ADARB1: variants seen among roughly 807,000 people sequenced by gnomAD.
ADARB1 encodes the protein double-stranded RNA-specific editase 1.
ADARB1 carries 10 observed loss-of-function variants against 52.4 expected under a neutral mutation model. The ratio of observed to expected loss-of-function variants is 0.19; its 90% CI spans 0.12 to 0.32. The LOEUF is 0.32. Among genes scored for constraint, ADARB1 ranks in the 10% least tolerant of loss-of-function variants. ADARB1 has a pLI of 1.00. For missense variants in ADARB1, 643 were observed against 922.3 expected (o/e 0.70, Z 3.92); for synonymous variants, 349 against 371.1 (o/e 0.94, Z 0.68).
At chr21:45,104,807 T>G (rs182367118) in intron 1 of ADARB1, among the ~76,000 whole-genome samples, 15 of 152,310 alleles carry the variant, frequency 9.8e-5, no homozygotes, top group African/African-American at 3.6e-4. Flanking sequence ...ACAGAGCAGC[T>G]CCACACCTGC....
chr21:45,208,748 G>A lies in ADARB1; in HGVS notation c.1747+4012G>A, dbSNP rs1459342330. On this transcript the variant is annotated intron_variant, in intron 9 of 10. Transcript: ENST00000348831. This position sits in a 1 kb window ranked among gnomAD's most constrained non-coding sequence, Gnocchi z 5.6. Reference sequence around the variant, plus strand: ...AGAGAGAGTGTGTGTGTGTGTGTATGCGTATTCTCCAGGTAAGAGCAGGCA... The same window carrying A: ...AGAGAGAGTGTGTGTGTGTGTGTATACGTATTCTCCAGGTAAGAGCAGGCA... 6.6e-6 allele frequency among the ~76,000 whole-genome samples: 1 copy of A among 151,980 alleles called. No individual in the cohort carries two copies. The highest frequency in any genetic ancestry group is 1.5e-5 in the Non-Finnish European group (1 of 67,996).
intron 7 of ADARB1, among the ~76,000 whole-genome samples, chr21:45,184,189 T>C (rs1292635608): frequency 6.6e-6 from 1 of 152,244 alleles, no homozygotes; most frequent in Non-Finnish European, 1.5e-5. Flanking sequence ...TACCATACTT[T>C]CCATGGGTTT....
At chr21:45,171,557 C>G in intron 2 of ADARB1, 53 bp from the exon 3 acceptor site, 1 of 1,101,510 alleles carries the variant, frequency 9.1e-7, no homozygotes, top group Non-Finnish European at 1.4e-6. Flanking sequence ...AGACTTACTT[C>G]ATATTACTCC....
chr21:45,136,756 C>T (rs2089409671), intron 2 of ADARB1, among the ~76,000 whole-genome samples: 1 of 152,228 alleles, frequency 6.6e-6, no homozygotes, highest in African/African-American at 2.4e-5. Flanking sequence ...GGTGTGTGCG[C>T]TGCAGGGAGA....
In ADARB1 at chr21:45,220,115, G is replaced by C. The variant is rs562663600; in HGVS notation, c.1748-721G>C. On this transcript the variant is annotated intron_variant, in intron 9 of 10. Coordinates refer to ENST00000348831, the MANE Select transcript of ADARB1 (RefSeq NM_001112.4). This position sits in a 1 kb window ranked among gnomAD's most constrained non-coding sequence, Gnocchi z 6.3. Reference sequence around the variant, plus strand: ...CAGAAGTCATGTAGCTCTGATAGGAGCGCTTTTCAAACAGATGTCTTAATC... The same window carrying C: ...CAGAAGTCATGTAGCTCTGATAGGACCGCTTTTCAAACAGATGTCTTAATC... 2.0e-5 allele frequency among the ~76,000 whole-genome samples: 3 copies of C among 151,914 alleles called. No individual in the cohort carries two copies. In the South Asian group the frequency reaches 6.2e-4, roughly 32 times the overall value.
In ADARB1 at chr21:45,226,179, A is replaced by T. The variant is rs555901351; in HGVS notation, c.*3982A>T. ...GAAGGGACGAGTACCAAGCCACAAG[A>T]ACACTTCTTTTGGCCACAGCATAAG... On this transcript the variant is annotated 3_prime_UTR_variant, in exon 11 of 11. Coordinates refer to ENST00000348831, the MANE Select transcript of ADARB1 (RefSeq NM_001112.4). The T allele has an allele frequency of 6.6e-6, 1 of 152,538 alleles. No homozygotes were observed. The highest frequency in any genetic ancestry group is 1.9e-4 in the East Asian group (1 of 5,192). The allele number at this position is 152,538 out of a possible 1,614,324, so 9.4% of individuals were successfully genotyped here.
chr21:45,123,347 AG>A (rs1169567661), intron 1 of ADARB1, among the ~76,000 whole-genome samples: 1 of 152,172 alleles, frequency 6.6e-6, no homozygotes, highest in Non-Finnish European at 1.5e-5. Context: ...TCTGTGGCCC[AG>A]GCCAGAATGC....
At position 45,207,374 on chromosome 21, in the gene ADARB1, G is replaced by A. The variant is rs989188807; in HGVS notation, c.1747+2638G>A. On this transcript the variant is annotated intron_variant, in intron 9 of 10. Coordinates refer to ENST00000348831, the MANE Select transcript of ADARB1 (RefSeq NM_001112.4). ...GACTCCTGTGAATCAGCAGGACAGC[G>A]TAGCAGGACATTAGGTGAGCCACAG... Among the ~76,000 whole-genome samples, 4 of 152,196 alleles carry A rather than the reference G, an allele frequency of 2.6e-5. No individual in the cohort carries two copies. The East Asian group carries it at 5.8e-4, about 22-fold the overall frequency.
rs1261137004 is a variant in ADARB1, at chr21:45,142,668, C to T, written c.-48+14095C>T. Among the ~76,000 whole-genome samples the T allele has an allele frequency of 6.6e-6, 1 of 152,188 alleles. No homozygotes were observed. The highest frequency in any genetic ancestry group is 1.9e-4 in the East Asian group (1 of 5,190). On this transcript the variant is annotated intron_variant, in intron 2 of 10. Coordinates refer to ENST00000348831, the MANE Select transcript of ADARB1 (RefSeq NM_001112.4). This position sits in a 1 kb window ranked among gnomAD's most constrained non-coding sequence, Gnocchi z 4.0. ...CCCAGCTGGCTGCCAGGCTGCTCCC[C>T]ATGAGGTGGTGGGAGCCGTGTGGGA...
At chr21:45,166,096 C>T (rs981698583) in intron 2 of ADARB1, among the ~76,000 whole-genome samples, 2 of 151,944 alleles carry the variant, frequency 1.3e-5, no homozygotes, top group African/African-American at 4.8e-5. Context: ...GTAAATAAGT[C>T]ATGTTTTTAA....
Position 45,128,865 on chromosome 21 carries a change from C to T in ADARB1, c.-48+292C>T, listed in dbSNP as rs1158497556. ...TGGCACTTGCTGCCCTCTTTGGGGTCAGTTCACCATTTATTGAGTCAGTGC... is the reference window on the plus strand; with the variant it reads ...TGGCACTTGCTGCCCTCTTTGGGGTTAGTTCACCATTTATTGAGTCAGTGC... On this transcript the variant is annotated intron_variant, in intron 2 of 10. Coordinates refer to ENST00000348831, the MANE Select transcript of ADARB1 (RefSeq NM_001112.4). The surrounding 1 kb of genome is among the most constrained non-coding windows in gnomAD (Gnocchi z 4.6). Among the ~76,000 whole-genome samples, 3 of 152,296 alleles carry T rather than the reference C, an allele frequency of 2.0e-5. No homozygotes were observed. Among genetic ancestry groups the T allele is most frequent in the South Asian group, 4.1e-4 (2 of 4,824 alleles).
chr21:45,140,965 G>A (rs1343604028), intron 2 of ADARB1, among the ~76,000 whole-genome samples: 2 of 152,176 alleles, frequency 1.3e-5, no homozygotes. Flanking sequence ...TGAGACAGGA[G>A]GATTGCTTAA....
intron 1 of ADARB1, among the ~76,000 whole-genome samples, chr21:45,120,055 T>G (rs2088073046): frequency 6.6e-6 from 1 of 152,264 alleles, no homozygotes; most frequent in Admixed American, 6.5e-5. Flanking sequence ...TAAAGCCTAG[T>G]AACACCTCAG....
At chr21:45,114,082 A>G (rs139622232) in intron 1 of ADARB1, among the ~76,000 whole-genome samples, 9 of 152,328 alleles carry the variant, frequency 5.9e-5, no homozygotes, top group African/African-American at 2.2e-4. Flanking sequence ...CTACATACCA[A>G]TCAGAGGTTG....
chr21:45,087,782 C>T (rs12483279), intron 1 of ADARB1, among the ~76,000 whole-genome samples: 13,227 of 152,178 alleles, frequency 0.087, 664 homozygotes, highest in East Asian at 0.15. Flanking sequence ...CACTGTAGTA[C>T]AAAGCGGCAG....
At position 45,175,959 on chromosome 21, in the gene ADARB1, G is replaced by A. The variant is rs1203818926; in HGVS notation, c.258G>A (p.Leu86=). ...PVLPKNALMQ[L]NEIKPGLQYT... ...TCCCCAAGAACGCCCTGATGCAGCTGAATGAGATCAAGCCTGGTTTGCAGT... is the reference window on the plus strand; with the variant it reads ...TCCCCAAGAACGCCCTGATGCAGCTAAATGAGATCAAGCCTGGTTTGCAGT... The change falls in exon 4 of 11, where the codon CTG becomes CTA. Residue 86 remains leucine (L), a synonymous_variant. Coordinates refer to ENST00000348831, the MANE Select transcript of ADARB1 (RefSeq NM_001112.4). 1.2e-6 allele frequency: 2 copies of A among 1,611,968 alleles called. No homozygotes were observed. Among genetic ancestry groups the A allele is most frequent in the Non-Finnish European group, 8.5e-7 (1 of 1,179,168 alleles).
At chr21:45,201,033 A>C (rs906061945) in intron 8 of ADARB1, among the ~76,000 whole-genome samples, 13 of 152,166 alleles carry the variant, frequency 8.5e-5, no homozygotes, top group African/African-American at 3.1e-4. Flanking sequence ...GAGTGGGGAC[A>C]CCTGTAGGTT....
At chr21:45,080,495 A>T (rs1354592758) in intron 1 of ADARB1, among the ~76,000 whole-genome samples, 1 of 152,206 alleles carries the variant, frequency 6.6e-6, no homozygotes, top group Non-Finnish European at 1.5e-5. Context: ...TCCTCAAGAC[A>T]TGCTGCCCTT....
intron 1 of ADARB1, among the ~76,000 whole-genome samples, chr21:45,083,741 C>CTAGA (rs2086236346): frequency 6.6e-6 from 1 of 152,194 alleles, no homozygotes; most frequent in South Asian, 2.1e-4. Context: ...GTTGCTCAGG[C>CTAGA]TAGAGTACAG....
Sources: gnomAD v4.1 joint callset for allele counts (sites outside exome capture counted in the v4.1 genomes callset) on GRCh38, gnomAD v4.1.1 for gene constraint, Gnocchi (gnomAD v3.1) non-coding constraint, MANE v1.5 for transcripts, NCBI Gene and HGNC (gene_info 2026-07-23, HGNC 2026-07-21) for gene names.